Variants in RPS6KB1 observed in about 807,000 individuals in gnomAD.
RPS6KB1 encodes ribosomal protein S6 kinase beta-1.
Under a neutral mutation model 70.2 loss-of-function variants are expected in RPS6KB1, and 12 were observed. The observed-to-expected ratio is 0.17, with a 90% CI of 0.11 to 0.28. RPS6KB1 has a LOEUF of 0.28. Among genes scored for constraint, RPS6KB1 ranks in the 10% least tolerant of loss-of-function variants. The probability of loss-of-function intolerance (pLI) is 1.00; values close to 1 mark genes in which losing one functional copy is unlikely to be tolerated. For missense variants in RPS6KB1, 270 were observed against 646.6 expected (o/e 0.42, Z 6.32); for synonymous variants, 175 against 211.2 (o/e 0.83, Z 1.49).
intron 1 of RPS6KB1, among the ~76,000 whole-genome samples, chr17:59,904,897 A>T (rs1262068828): frequency 6.6e-6 from 1 of 151,488 alleles, no homozygotes; most frequent in Non-Finnish European, 1.5e-5. Context: ...GGGTTTCACT[A>T]TGTTGGCCAG....
chr17:59,943,025 T>A lies in RPS6KB1; in HGVS notation c.1227+2082T>A, dbSNP rs1022721730. On this transcript the variant is annotated intron_variant, in intron 13 of 14. Transcript: ENST00000225577. The stretch of plus-strand genomic sequence containing the variant: ...TTAAAAAAATTAAGTTAGTATGGGA[T>A]GCAAAAGTTGTGTATAGTACAGTAT... Among the ~76,000 whole-genome samples, 11 of 151,920 alleles carry A rather than the reference T, an allele frequency of 7.2e-5. 1 individual carries two copies. Among genetic ancestry groups the A allele is most frequent in the Admixed American group, 7.2e-4 (11 of 15,250 alleles).
At chr17:59,921,885 T>TA (rs776806300) in intron 4 of RPS6KB1, among the ~76,000 whole-genome samples, 2 of 152,196 alleles carry the variant, frequency 1.3e-5, no homozygotes, top group Non-Finnish European at 2.9e-5. Context: ...ACTTTTGACT[T>TA]ACTTGATTCC....
Position 59,949,182 on chromosome 17 carries a change from C to T in RPS6KB1, c.*2394C>T, listed in dbSNP as rs542951528. The T allele has an allele frequency of 6.6e-6, 1 of 152,590 alleles. No homozygotes were observed. The highest frequency in any genetic ancestry group is 2.4e-5 in the African/African-American group (1 of 41,558). 9.5% of individuals were successfully genotyped at this position (152,590 alleles called of 1,614,324 possible). A position where few individuals can be genotyped will look rare whatever the true frequency, so the allele number is the denominator to read the frequency against. ...ACATTTATTAAGTGAAATTTATTTCCCATGCTGTGGAAAGTTTATTGAGAA... is the reference window on the plus strand; with the variant it reads ...ACATTTATTAAGTGAAATTTATTTCTCATGCTGTGGAAAGTTTATTGAGAA... On this transcript the variant is annotated 3_prime_UTR_variant, in exon 15 of 15. Coordinates refer to ENST00000225577, the MANE Select transcript of RPS6KB1 (RefSeq NM_003161.4).
intron 13 of RPS6KB1, among the ~76,000 whole-genome samples, chr17:59,944,137 A>G (rs2044785059): frequency 6.6e-6 from 1 of 152,172 alleles, no homozygotes. Flanking sequence ...TGAAGTTCAC[A>G]TATAACTGTC....
At chr17:59,907,295 G>C (rs1238027616) in intron 1 of RPS6KB1, 1 of 152,058 alleles carries the variant, frequency 6.6e-6, no homozygotes, top group East Asian at 1.9e-4. Context: ...GAGCCACCGT[G>C]CCTGGTGGTC....
chr17:59,937,197 C>G (rs1430277330), intron 12 of RPS6KB1, among the ~76,000 whole-genome samples: 1 of 152,164 alleles, frequency 6.6e-6, no homozygotes, highest in African/African-American at 2.4e-5. Context: ...TTGTAAAGAA[C>G]TAAACCCAGT....
At chr17:59,897,115 G>A (rs78638044) in intron 1 of RPS6KB1, among the ~76,000 whole-genome samples, 11,095 of 152,234 alleles carry the variant, frequency 0.073, 576 homozygotes, top group Non-Finnish European at 0.12. Flanking sequence ...TAGTGGTAGT[G>A]TCTTCTGACT....
intron 7 of RPS6KB1, among the ~76,000 whole-genome samples, chr17:59,933,787 A>G (rs927620060): frequency 1.3e-5 from 2 of 152,212 alleles, no homozygotes; most frequent in African/African-American, 4.8e-5. Context: ...CCTTTGTTCA[A>G]AAGGTACAGA....
At position 59,931,725 on chromosome 17, in the gene RPS6KB1, G is replaced by A. The variant is rs758953978; in HGVS notation, c.688+3G>A. On this transcript the variant is annotated splice_donor_region_variant and intron_variant, in intron 7 of 14. Coordinates refer to ENST00000225577, the MANE Select transcript of RPS6KB1 (RefSeq NM_003161.4). ...GAATATCATGCTTAATCACCAAGGT[G>A]GAGACATACCGTAAACAATTCTATA... 8 of 1,584,722 alleles carry A rather than the reference G, an allele frequency of 5.0e-6. No homozygotes were observed. The South Asian group carries it at 7.7e-5, about 15-fold the overall frequency.
chr17:59,902,469 T>C (rs1011183865), intron 1 of RPS6KB1, among the ~76,000 whole-genome samples: 1 of 152,176 alleles, frequency 6.6e-6, no homozygotes, highest in Admixed American at 6.6e-5. Flanking sequence ...CAAATAGTTA[T>C]TCTGTTTTAT....
intron 1 of RPS6KB1, among the ~76,000 whole-genome samples, chr17:59,896,165 G>A (rs916457296): frequency 2.0e-5 from 3 of 151,998 alleles, no homozygotes; most frequent in African/African-American, 7.2e-5. Flanking sequence ...TGAACTGATA[G>A]AATTTCCAGA....
At chr17:59,914,067 G>A (rs751402973) in intron 3 of RPS6KB1, among the ~76,000 whole-genome samples, 27 of 152,158 alleles carry the variant, frequency 1.8e-4, no homozygotes, top group Non-Finnish European at 1.8e-4. Context: ...TTCATTCTGC[G>A]GTTGGTTGAA....
intron 4 of RPS6KB1, among the ~76,000 whole-genome samples, chr17:59,923,324 G>A (rs1010312811): frequency 6.6e-6 from 1 of 151,852 alleles, no homozygotes; most frequent in Non-Finnish European, 1.5e-5. Context: ...CTGGAGTAAC[G>A]GGAGTATAGG....
At chr17:59,921,554 A>G (rs1315811041) in intron 4 of RPS6KB1, among the ~76,000 whole-genome samples, 3 of 152,086 alleles carry the variant, frequency 2.0e-5, no homozygotes, top group Non-Finnish European at 4.4e-5. Flanking sequence ...AGACTTTAAG[A>G]TGAAATCAGA....
rs755921670 is a variant in RPS6KB1 at position 59,915,027 on chromosome 17, C to T, written c.381+324C>T. 8.0e-5 allele frequency among the ~76,000 whole-genome samples: 12 copies of T among 150,566 alleles called. No homozygotes were observed. The East Asian group carries it at 1.6e-3, about 20-fold the overall frequency. ...TTTTTGAGACGTAGTCGCGCTCTGT[C>T]GCCCAGGCTGGAGTGCGGTGGTGCG... On this transcript the variant is annotated intron_variant, in intron 4 of 14. Transcript: ENST00000225577.
At chr17:59,903,782 C>G (rs1411087775) in intron 1 of RPS6KB1, among the ~76,000 whole-genome samples, 1 of 152,164 alleles carries the variant, frequency 6.6e-6, no homozygotes, top group Non-Finnish European at 1.5e-5. Flanking sequence ...TTGCATTTCC[C>G]TAACAACTAA....
chr17:59,903,007 C>T (rs547872129), intron 1 of RPS6KB1, among the ~76,000 whole-genome samples: 1 of 151,842 alleles, frequency 6.6e-6, no homozygotes, highest in Non-Finnish European at 1.5e-5. Flanking sequence ...GTGATGAAAC[C>T]TGTTCTCTAC....
intron 1 of RPS6KB1, among the ~76,000 whole-genome samples, chr17:59,908,068 G>A (rs2042373354): frequency 6.6e-6 from 1 of 151,914 alleles, no homozygotes. Context: ...GGGTACCTTA[G>A]GCTTAGTTTA....
chr17:59,918,788 A>G (rs963337955), intron 4 of RPS6KB1, among the ~76,000 whole-genome samples: 1 of 148,036 alleles, frequency 6.8e-6, no homozygotes, highest in Non-Finnish European at 1.5e-5. Context: ...GTTCCATGTT[A>G]GAGGCCTTCT....
Sources: allele counts gnomAD v4.1 joint callset (sites outside exome capture counted in the v4.1 genomes callset), GRCh38; gene constraint gnomAD v4.1.1; transcripts MANE v1.5; gene names NCBI Gene and HGNC (gene_info 2026-07-23, HGNC 2026-07-21).